TRAFD1: variants seen among roughly 807,000 people sequenced by gnomAD.
The protein encoded by TRAFD1 is TRAF-type zinc finger domain-containing protein 1.
A neutral mutation model predicts 65.3 loss-of-function variants in TRAFD1; 38 were observed. That is an observed-to-expected ratio of 0.58 (90% CI 0.45 to 0.76). TRAFD1 has a LOEUF of 0.76. Ranked by LOEUF, TRAFD1 falls within the 30% of genes least tolerant of loss-of-function variation. TRAFD1 has a pLI of 0.00. For missense variants in TRAFD1, 631 were observed against 712.6 expected, an observed-to-expected ratio of 0.89 and a Z score of 1.30; for synonymous variants, 223 against 257.2, an observed-to-expected ratio of 0.87 and a Z score of 1.27.
intron 4 of TRAFD1, among the ~76,000 whole-genome samples, chr12:112,138,857 C>CAAA (rs58777732): frequency 2.4e-5 from 2 of 83,252 alleles, no homozygotes; most frequent in Non-Finnish European, 2.8e-5. Context: ...AACTCCGTCT[C>CAAA]AAAAAAAAAA....
At position 112,152,217 on chromosome 12, in the gene TRAFD1, A is replaced by G; in HGVS notation, c.1619+77A>G. ...GGGCAAAGGCCTGGTTACCCTTGCC[A>G]GGCCTGGGGTAAGACTGAGGTACTT... On this transcript the variant is annotated intron_variant, in intron 10 of 11. Transcript: ENST00000412615. This position sits in a 1 kb window ranked among gnomAD's most constrained non-coding sequence, Gnocchi z 5.0. The G allele has an allele frequency of 6.6e-7, 1 of 1,508,174 alleles. No homozygotes were observed. The allele number at this position is 1,508,174 out of a possible 1,614,324, so 93.4% of individuals were successfully genotyped here. A position where few individuals can be genotyped will look rare whatever the true frequency, so the allele number is the denominator to read the frequency against.
intron 6 of TRAFD1, among the ~76,000 whole-genome samples, chr12:112,143,610 G>GATTTTC (rs1017466754): frequency 8.1e-4 from 123 of 151,922 alleles, no homozygotes; most frequent in African/African-American, 2.9e-3. Flanking sequence ...TGTCCCTTAA[G>GATTTTC]ATTTTCACTT....
At chr12:112,151,678 A>AT (rs1246363095) in intron 9 of TRAFD1, 123 bp from the exon 10 acceptor site, 4 of 948,208 alleles carry the variant, frequency 4.2e-6, no homozygotes, top group Non-Finnish European at 4.7e-6. Flanking sequence ...GTTTACAGGC[A>AT]TGAGCCACCA....
Position 112,128,203 on chromosome 12 carries a change from G to A in TRAFD1, c.-12-2308G>A, listed in dbSNP as rs190243761. Reference sequence around the variant, plus strand: ...TTTATTTTTAGTAGAGAGGTGTTTCGCCATGCTGGCCAGGCTGGTCTTGAA... The same window carrying A: ...TTTATTTTTAGTAGAGAGGTGTTTCACCATGCTGGCCAGGCTGGTCTTGAA... On this transcript the variant is annotated intron_variant, in intron 1 of 11. Coordinates refer to ENST00000412615, the MANE Select transcript of TRAFD1 (RefSeq NM_006700.3). Among the ~76,000 whole-genome samples the A allele has an allele frequency of 4.9e-4, 73 of 149,442 alleles. 1 individual carries two copies. Among genetic ancestry groups the A allele is most frequent in the African/African-American group, 1.8e-3 (72 of 40,572 alleles).
intron 5 of TRAFD1, among the ~76,000 whole-genome samples, chr12:112,141,779 C>T (rs537813709): frequency 1.1e-4 from 17 of 152,324 alleles, no homozygotes; most frequent in African/African-American, 3.6e-4. Flanking sequence ...AATCTGACCT[C>T]GTGCTTTAAA....
chr12:112,149,486 A>G (rs1291900482), intron 8 of TRAFD1: 5 of 326,894 alleles, frequency 1.5e-5, no homozygotes, highest in African/African-American at 1.1e-4. Flanking sequence ...ACAGAAAAAA[A>G]AAAGAAATAA....
At chr12:112,150,073 T>G (rs1204448073) in intron 9 of TRAFD1, among the ~76,000 whole-genome samples, 1 of 152,204 alleles carries the variant, frequency 6.6e-6, no homozygotes, top group Non-Finnish European at 1.5e-5. Flanking sequence ...ATTTTTAGGG[T>G]AATGGCTTTG....
intron 5 of TRAFD1, chr12:112,141,640 G>A (rs372349623): frequency 1.4e-5 from 3 of 212,988 alleles, no homozygotes; most frequent in East Asian, 1.1e-4. Context: ...TTTTTGGATT[G>A]GTATGCTCAA....
At chr12:112,128,007 G>A (rs1301488299) in intron 1 of TRAFD1, among the ~76,000 whole-genome samples, 3 of 149,306 alleles carry the variant, frequency 2.0e-5, no homozygotes, top group Non-Finnish European at 4.5e-5. Flanking sequence ...CTGGCCCACA[G>A]TATTGTCCTT....
At position 112,130,961 on chromosome 12, in the gene TRAFD1, G is replaced by A. The variant is rs977651787; in HGVS notation, c.47+392G>A. On this transcript the variant is annotated intron_variant, in intron 2 of 11. Transcript: ENST00000412615. The surrounding 1 kb of genome is among the most constrained non-coding windows in gnomAD (Gnocchi z 4.4). Reference sequence around the variant, plus strand: ...TTAGCAAACTGTGGTAGAAAGAGATGTGGAATAAGGAAAATAGTTTAACTC... The same window carrying A: ...TTAGCAAACTGTGGTAGAAAGAGATATGGAATAAGGAAAATAGTTTAACTC... Among the ~76,000 whole-genome samples the A allele has an allele frequency of 6.6e-6, 1 of 152,216 alleles. No homozygotes were observed. Among genetic ancestry groups the A allele is most frequent in the African/African-American group, 2.4e-5 (1 of 41,456 alleles).
intron 8 of TRAFD1, 129 bp downstream of exon 8, chr12:112,148,433 G>T: frequency 1.3e-6 from 1 of 768,112 alleles, no homozygotes. Context: ...TTGGCTTCTG[G>T]CCAAGTCATC....
chr12:112,139,963 T>A (rs1273628609), intron 4 of TRAFD1, among the ~76,000 whole-genome samples: 1 of 152,080 alleles, frequency 6.6e-6, no homozygotes, highest in Admixed American at 6.6e-5. Context: ...GATTGCACCA[T>A]GCACTCCATG....
In TRAFD1 at chr12:112,137,094, A is replaced by C. The variant is rs1446866770; in HGVS notation, c.237+2028A>C. ...AAAAATTAGCTGGGCGTGGATACGC[A>C]CGTCTGAAATCCCAGCTACTCAGAA... On this transcript the variant is annotated intron_variant, in intron 4 of 11. Transcript: ENST00000412615. The surrounding 1 kb of genome is among the most constrained non-coding windows in gnomAD (Gnocchi z 4.2). Among the ~76,000 whole-genome samples, 1 of 152,122 alleles carries C rather than the reference A, an allele frequency of 6.6e-6. No homozygotes were observed. Among genetic ancestry groups the C allele is most frequent in the Non-Finnish European group, 1.5e-5 (1 of 68,034 alleles).
At position 112,134,885 on chromosome 12, in the gene TRAFD1, A is replaced by G. The variant is rs1593864892; in HGVS notation, c.183+12A>G. Reference sequence around the variant, plus strand: ...CAGAACACTGTCAGGTGAGCCACCAAGTACTCAAATGTTTATACATGTGTT... The same window carrying G: ...CAGAACACTGTCAGGTGAGCCACCAGGTACTCAAATGTTTATACATGTGTT... On this transcript the variant is annotated intron_variant, in intron 3 of 11. Transcript: ENST00000412615. 2 of 1,612,032 alleles carry G rather than the reference A, an allele frequency of 1.2e-6. No individual in the cohort carries two copies. Among genetic ancestry groups the G allele is most frequent in the Middle Eastern group, 1.7e-4 (1 of 6,058 alleles).
In TRAFD1 at chr12:112,148,137, G is replaced by T. The variant is rs1313329763; in HGVS notation, c.991G>T (p.Val331Leu). ...LNTGSSSPRG[V>L]EEPDVIFQNF... ...TACTGGCAGCTCTTCCCCCAGAGGGGTGGAGGAACCTGATGTCATCTTCCA... is the reference window on the plus strand; with the variant it reads ...TACTGGCAGCTCTTCCCCCAGAGGGTTGGAGGAACCTGATGTCATCTTCCA... The change falls in exon 8 of 12, where the codon GTG (valine) becomes TTG (leucine). Residue 331 changes from valine (V) to leucine (L), a missense_variant. Val to Leu is a conservative substitution (Grantham distance 32). Coordinates refer to ENST00000412615, the MANE Select transcript of TRAFD1 (RefSeq NM_006700.3). 5.6e-6 allele frequency: 9 copies of T among 1,614,058 alleles called. No individual in the cohort carries two copies. The highest frequency in any genetic ancestry group is 7.6e-6 in the Non-Finnish European group (9 of 1,180,014).
At chr12:112,148,651 C>G (rs1162969379) in intron 8 of TRAFD1, among the ~76,000 whole-genome samples, 1 of 152,208 alleles carries the variant, frequency 6.6e-6, no homozygotes, top group African/African-American at 2.4e-5. Context: ...GCATTTGAGA[C>G]TTGCATTCTA....
intron 2 of TRAFD1, 116 bp from the exon 3 acceptor site, chr12:112,134,622 G>C (rs2079586325): frequency 2.4e-6 from 3 of 1,232,110 alleles, no homozygotes; most frequent in Non-Finnish European, 3.4e-6. Context: ...ATTCACTAAA[G>C]ATAAATAATG....
chr12:112,134,323 T>G (rs2079583766), intron 2 of TRAFD1, among the ~76,000 whole-genome samples: 1 of 150,050 alleles, frequency 6.7e-6, no homozygotes, highest in African/African-American at 2.5e-5. Flanking sequence ...TTTTTTTTTT[T>G]TTTTTTATAG....
chr12:112,129,646 T>G (rs7294753), intron 1 of TRAFD1, among the ~76,000 whole-genome samples: 21,299 of 152,110 alleles, frequency 0.14, 1,849 homozygotes, highest in African/African-American at 0.24. Context: ...TTATTTTTAT[T>G]TATTTATTTA....
Sources: allele counts gnomAD v4.1 joint callset (sites outside exome capture counted in the v4.1 genomes callset), GRCh38; gene constraint gnomAD v4.1.1; non-coding constraint Gnocchi (gnomAD v3.1); transcripts MANE v1.5; gene names NCBI Gene and HGNC (gene_info 2026-07-23, HGNC 2026-07-21).